The following LHPP variants were observed in gnomAD, a reference collection of about 807,000 sequenced individuals.
The protein encoded by LHPP is hLHPP.
A neutral mutation model predicts 30.3 loss-of-function variants in LHPP; 24 were observed. The ratio of observed to expected loss-of-function variants is 0.79; its 90% CI spans 0.57 to 1.11. The LOEUF (loss-of-function observed/expected upper bound fraction) is 1.11, where lower values mean the gene tolerates loss of function less well. Ranked by LOEUF, LHPP falls within the 50% of genes most tolerant of loss-of-function variation. The probability of loss-of-function intolerance (pLI) is 0.00; values close to 1 mark genes in which losing one functional copy is unlikely to be tolerated. For missense variants in LHPP, 356 were observed against 367.2 expected (o/e 0.97, Z 0.25); for synonymous variants, 150 against 157.1 (o/e 0.95, Z 0.34).
chr10:124,575,329 A>G (rs1948643646), intron 6 of LHPP, among the ~76,000 whole-genome samples: 1 of 152,002 alleles, frequency 6.6e-6, no homozygotes, highest in Admixed American at 6.6e-5. Context: ...CATCCGACAA[A>G]ACCAAGCTGT....
At chr10:124,492,345 C>T (rs1174803462) in intron 3 of LHPP, among the ~76,000 whole-genome samples, 7 of 152,136 alleles carry the variant, frequency 4.6e-5, no homozygotes, top group Non-Finnish European at 5.9e-5. Flanking sequence ...GTCAGGGTTC[C>T]TCAGAGAAGC....
At chr10:124,469,251 G>A (rs1463382149) in intron 1 of LHPP, among the ~76,000 whole-genome samples, 3 of 152,208 alleles carry the variant, frequency 2.0e-5, no homozygotes, top group Non-Finnish European at 2.9e-5. Flanking sequence ...GGCAGCTCCC[G>A]GCACCATGGG....
rs1212106721 is a variant in LHPP at position 124,568,539 on chromosome 10, A to G, written c.717-44725A>G. On this transcript the variant is annotated intron_variant, in intron 6 of 6. Transcript: ENST00000368842. The stretch of plus-strand genomic sequence containing the variant: ...GTGAGATCCCTCCGCGGTGGCGTGG[A>G]GAGGTGTGGCCACTTCCCGCTTCGT... 2.0e-5 allele frequency among the ~76,000 whole-genome samples: 3 copies of G among 152,202 alleles called. No homozygotes were observed. In the East Asian group the frequency reaches 5.8e-4, roughly 29 times the overall value.
intron 5 of LHPP, among the ~76,000 whole-genome samples, chr10:124,508,503 G>T (rs1366504977): frequency 1.3e-5 from 2 of 152,102 alleles, no homozygotes; most frequent in Non-Finnish European, 2.9e-5. Flanking sequence ...TCCGGCCCTG[G>T]CTTTGTCTTT....
chr10:124,544,605 GGCACCTGTGTTTGTATTT>G (rs1955287171), intron 6 of LHPP, among the ~76,000 whole-genome samples: 1 of 152,206 alleles, frequency 6.6e-6, no homozygotes, highest in Non-Finnish European at 1.5e-5. Flanking sequence ...CAGGAGGCCT[GGCACCTGTGTTTGTATTT>G]TATCACCATG....
chr10:124,590,105 T>A lies in LHPP; in HGVS notation c.717-23159T>A, dbSNP rs943950822. Among the ~76,000 whole-genome samples the A allele has an allele frequency of 6.6e-6, 1 of 152,190 alleles. No homozygotes were observed. The highest frequency in any genetic ancestry group is 1.5e-5 in the Non-Finnish European group (1 of 68,034). On this transcript the variant is annotated intron_variant, in intron 6 of 6. Transcript: ENST00000368842. The surrounding 1 kb of genome is among the most constrained non-coding windows in gnomAD (Gnocchi z 4.3). ...ATCCATCGTTCTTTCCAAAGAATAG[T>A]GTGAACAGCTCATTCGATTCGTTCA...
chr10:124,558,326 G>A (rs1293342021), intron 6 of LHPP, among the ~76,000 whole-genome samples: 1 of 152,188 alleles, frequency 6.6e-6, no homozygotes, highest in African/African-American at 2.4e-5. Context: ...CTCCCAGTGG[G>A]CCCCACGAGC....
At chr10:124,512,433 G>A (rs560191875) in intron 5 of LHPP, among the ~76,000 whole-genome samples, 80 of 152,078 alleles carry the variant, frequency 5.3e-4, no homozygotes, top group African/African-American at 1.8e-3. Flanking sequence ...TGGTTAACAC[G>A]GTGAAACCCC....
rs954768141 is a variant in LHPP at position 124,593,032 on chromosome 10, G to A, written c.717-20232G>A. Reference sequence around the variant, plus strand: ...GATTGATGAGGTGGCCTCAGTCGGCGTTTCGGGGAACCGGGTACAAGTTGC... The same window carrying A: ...GATTGATGAGGTGGCCTCAGTCGGCATTTCGGGGAACCGGGTACAAGTTGC... On this transcript the variant is annotated intron_variant, in intron 6 of 6. Coordinates refer to ENST00000368842, the MANE Select transcript of LHPP (RefSeq NM_022126.4). The surrounding 1 kb of genome is among the most constrained non-coding windows in gnomAD (Gnocchi z 4.9). Among the ~76,000 whole-genome samples, 1 of 152,214 alleles carries A rather than the reference G, an allele frequency of 6.6e-6. No homozygotes were observed. Among genetic ancestry groups the A allele is most frequent in the Non-Finnish European group, 1.5e-5 (1 of 68,038 alleles).
chr10:124,550,410 C>T (rs962298957), intron 6 of LHPP, among the ~76,000 whole-genome samples: 1 of 152,244 alleles, frequency 6.6e-6, no homozygotes, highest in Non-Finnish European at 1.5e-5. Context: ...TCCTCCTTTG[C>T]GCCCACGCTG....
chr10:124,484,509 C>A (rs921862078), intron 2 of LHPP, among the ~76,000 whole-genome samples, 183 bp downstream of exon 2: 4 of 151,852 alleles, frequency 2.6e-5, no homozygotes. Flanking sequence ...GGTTAGGACC[C>A]AGCTCTGTCC....
At chr10:124,594,912 T>G (rs1054076296) in intron 6 of LHPP, among the ~76,000 whole-genome samples, 1 of 152,190 alleles carries the variant, frequency 6.6e-6, no homozygotes, top group Non-Finnish European at 1.5e-5. Flanking sequence ...ATTACAGGCA[T>G]GAGCCACCGC....
intron 6 of LHPP, among the ~76,000 whole-genome samples, chr10:124,579,401 C>A (rs146590150): frequency 6.6e-6 from 1 of 152,228 alleles, no homozygotes; most frequent in Non-Finnish European, 1.5e-5. Flanking sequence ...GAGGCCTGGC[C>A]GGCCTCTGGA....
At position 124,533,982 on chromosome 10, in the gene LHPP, C is replaced by T. The variant is rs556256671; in HGVS notation, c.716+16711C>T. Among the ~76,000 whole-genome samples, 192 of 152,196 alleles carry T rather than the reference C, an allele frequency of 1.3e-3. 1 individual carries two copies. The highest frequency in any genetic ancestry group is 4.5e-3 in the African/African-American group (185 of 41,534). On this transcript the variant is annotated intron_variant, in intron 6 of 6. Coordinates refer to ENST00000368842, the MANE Select transcript of LHPP (RefSeq NM_022126.4). ...ATTGGGTTGGCAGGGACCACATCTG[C>T]CCTGGTCGATGCCCTGCCCATGCAG...
intron 6 of LHPP, among the ~76,000 whole-genome samples, chr10:124,611,010 C>G (rs1292330928): frequency 1.1e-4 from 4 of 36,348 alleles, no homozygotes; most frequent in African/African-American, 1.9e-4. Flanking sequence ...GTTAATGAAG[C>G]GGGTGCGGGT....
chr10:124,494,443 T>TA (rs1276595763), intron 3 of LHPP, among the ~76,000 whole-genome samples: 3 of 152,312 alleles, frequency 2.0e-5, no homozygotes, highest in Admixed American at 2.0e-4. Flanking sequence ...GGGTAAGCAT[T>TA]TCCTGTGTGG....
At chr10:124,601,267 G>T (rs888007336) in intron 6 of LHPP, among the ~76,000 whole-genome samples, 1 of 152,202 alleles carries the variant, frequency 6.6e-6, no homozygotes, top group African/African-American at 2.4e-5. Flanking sequence ...AGCAGCTGCC[G>T]CGTCACACGC....
intron 1 of LHPP, among the ~76,000 whole-genome samples, chr10:124,468,824 G>A (rs1034492181): frequency 5.3e-5 from 8 of 152,176 alleles, no homozygotes; most frequent in Non-Finnish European, 1.0e-4. Context: ...CTCAGGGCCC[G>A]GGAAGCTCCG....
At chr10:124,566,211 T>A (rs761177731) in intron 6 of LHPP, among the ~76,000 whole-genome samples, 1 of 152,214 alleles carries the variant, frequency 6.6e-6, no homozygotes, top group Non-Finnish European at 1.5e-5. Context: ...GGGCGTGTGG[T>A]TATGGGCTCT....
Sources: allele counts gnomAD v4.1 joint callset (sites outside exome capture counted in the v4.1 genomes callset), GRCh38; gene constraint gnomAD v4.1.1; non-coding constraint Gnocchi (gnomAD v3.1); transcripts MANE v1.5; gene names NCBI Gene and HGNC (gene_info 2026-07-23, HGNC 2026-07-21).